ERICH1: variants seen among roughly 807,000 people sequenced by gnomAD.
ERICH1 encodes glutamate-rich protein 1.
ERICH1 carries 56 observed loss-of-function variants against 39.6 expected under a neutral mutation model. The observed-to-expected ratio is 1.41, with a 90% confidence interval of 1.14 to 1.77. The LOEUF is 1.77. Ranked by LOEUF, ERICH1 falls within the 40% of genes most tolerant of loss-of-function variation. The probability of loss-of-function intolerance (pLI) is 0.00; values close to 1 mark genes in which losing one functional copy is unlikely to be tolerated. For synonymous variants in ERICH1, 313 were observed against 223.6 expected (o/e 1.40, Z -3.57); for missense variants, 826 against 575.4 (o/e 1.44, Z -4.45).
At position 681,116 on chromosome 8, in the gene ERICH1, G is replaced by A. The variant is rs139013291; in HGVS notation, c.305-7069C>T. On this transcript the variant is annotated intron_variant, in intron 3 of 5. Transcript: ENST00000262109. ...CTGGATGCATTTGGCAGGCTCTGCC[G>A]CACCAGCTTGTGGCCTCTGCACCCC... Among the ~76,000 whole-genome samples, 449 of 152,302 alleles carry A rather than the reference G, an allele frequency of 2.9e-3. 2 individuals carry two copies. Among genetic ancestry groups the A allele is most frequent in the African/African-American group, 0.01 (423 of 41,558 alleles).
intron 2 of ERICH1, among the ~76,000 whole-genome samples, chr8:707,654 T>A (rs1813619069): frequency 6.6e-6 from 1 of 151,954 alleles, no homozygotes; most frequent in Admixed American, 6.6e-5. Flanking sequence ...TGAAAACGGA[T>A]CAAGGACCTA....
At chr8:730,978 A>C (rs1819850589) in intron 1 of ERICH1, among the ~76,000 whole-genome samples, 162 bp downstream of exon 1, 1 of 149,086 alleles carries the variant, frequency 6.7e-6, no homozygotes, top group African/African-American at 2.5e-5. Context: ...GTCCGGGGTA[A>C]GAGCGGGGGA....
chr8:624,063 C>T (rs1017012245), intron 3 of ERICH1, among the ~76,000 whole-genome samples: 2 of 151,612 alleles, frequency 1.3e-5, no homozygotes, highest in African/African-American at 4.8e-5. Context: ...AATAAAAAAC[C>T]CAACTGCAGA....
At chr8:702,350 G>A (rs530099808) in intron 2 of ERICH1, among the ~76,000 whole-genome samples, 9 of 152,160 alleles carry the variant, frequency 5.9e-5, no homozygotes, top group Non-Finnish European at 1.0e-4. Context: ...GGCGAGTCAA[G>A]TGAGCACACA....
intron 2 of ERICH1, among the ~76,000 whole-genome samples, chr8:713,262 C>G (rs181284829): frequency 1.9e-4 from 29 of 152,380 alleles, no homozygotes; most frequent in Admixed American, 5.2e-4. Flanking sequence ...AGGGCTTCAA[C>G]ATACAAATTT....
chr8:657,799 A>T (rs1464523750), intron 3 of ERICH1, among the ~76,000 whole-genome samples: 10 of 152,084 alleles, frequency 6.6e-5, no homozygotes, highest in Non-Finnish European at 1.5e-5. Context: ...CGATAATGAG[A>T]GGGATTTTCA....
At chr8:715,069 C>G (rs973779406) in intron 2 of ERICH1, among the ~76,000 whole-genome samples, 2 of 148,158 alleles carry the variant, frequency 1.3e-5, no homozygotes, top group African/African-American at 5.0e-5. Context: ...TGTGCCGCAC[C>G]CAGGTGGTCT....
chr8:627,058 T>G (rs1043600912), intron 3 of ERICH1: 13 of 451,948 alleles, frequency 2.9e-5, no homozygotes, highest in Non-Finnish European at 5.4e-5. Context: ...GGGCCAGGCT[T>G]CCGTGCTCTG....
intron 3 of ERICH1, among the ~76,000 whole-genome samples, chr8:622,480 A>C (rs1269347548): frequency 6.6e-6 from 1 of 152,184 alleles, no homozygotes; most frequent in Non-Finnish European, 1.5e-5. Context: ...GCAGAGAACG[A>C]AGCTTTTCTA....
intron 3 of ERICH1, among the ~76,000 whole-genome samples, chr8:649,823 G>A (rs1388679417): frequency 6.6e-6 from 1 of 152,246 alleles, no homozygotes; most frequent in Non-Finnish European, 1.5e-5. Flanking sequence ...GAGCAGGTGA[G>A]CTGACAGCTG....
chr8:687,911 G>T (rs1218270831), intron 3 of ERICH1, among the ~76,000 whole-genome samples: 1 of 152,116 alleles, frequency 6.6e-6, no homozygotes, highest in Admixed American at 6.5e-5. Context: ...AGCCGAGACG[G>T]CACCCAGGTT....
At chr8:658,028 G>A (rs960134975) in intron 3 of ERICH1, among the ~76,000 whole-genome samples, 23 of 152,200 alleles carry the variant, frequency 1.5e-4, no homozygotes, top group Admixed American at 1.2e-3. Flanking sequence ...CGATCCCCAC[G>A]GACCATGTTT....
chr8:703,258 G>A (rs1812557594), intron 2 of ERICH1, among the ~76,000 whole-genome samples: 1 of 152,170 alleles, frequency 6.6e-6, no homozygotes, highest in African/African-American at 2.4e-5. Context: ...CAGACCAAGT[G>A]CACACACCCC....
intron 3 of ERICH1, among the ~76,000 whole-genome samples, chr8:618,660 G>A (rs552966195): frequency 6.6e-6 from 1 of 152,196 alleles, no homozygotes; most frequent in Non-Finnish European, 1.5e-5. Flanking sequence ...TCCAGGCTGT[G>A]GTTGAGACTA....
intron 2 of ERICH1, among the ~76,000 whole-genome samples, chr8:712,595 A>G (rs935395628): frequency 6.6e-6 from 1 of 151,996 alleles, no homozygotes; most frequent in Non-Finnish European, 1.5e-5. Context: ...ATGACTGGCT[A>G]ATTTTTTGTA....
intron 1 of ERICH1, among the ~76,000 whole-genome samples, chr8:721,103 CATT>C (rs985821020): frequency 2.6e-5 from 4 of 152,158 alleles, no homozygotes; most frequent in African/African-American, 7.2e-5. Flanking sequence ...ATGGATATCT[CATT>C]ATAAAGCGGG....
At chr8:701,176 G>A (rs1021739501) in intron 2 of ERICH1, among the ~76,000 whole-genome samples, 1 of 152,206 alleles carries the variant, frequency 6.6e-6, no homozygotes, top group African/African-American at 2.4e-5. Context: ...GGTCTGCCCC[G>A]CCAGACGGGA....
chr8:688,144 C>G (rs762166664), intron 3 of ERICH1, among the ~76,000 whole-genome samples: 2 of 152,136 alleles, frequency 1.3e-5, no homozygotes, highest in Non-Finnish European at 2.9e-5. Flanking sequence ...GCAACCCAGG[C>G]GGGGCAAGTG....
At chr8:641,015 G>A (rs564734522) in intron 3 of ERICH1, 3 of 152,216 alleles carry the variant, frequency 2.0e-5, no homozygotes, top group South Asian at 4.1e-4. Flanking sequence ...CGTGGGATTC[G>A]CCCTGATGCT....
Sources: allele counts gnomAD v4.1 joint callset (sites outside exome capture counted in the v4.1 genomes callset), GRCh38; gene constraint gnomAD v4.1.1; transcripts MANE v1.5; gene names NCBI Gene and HGNC (gene_info 2026-07-23, HGNC 2026-07-21).